ROBO2: variants seen among roughly 807,000 people sequenced by gnomAD.
ROBO2 encodes the protein roundabout homolog 2.
In ROBO2, 53 loss-of-function variants were observed where a neutral mutation model predicts 160.8. The observed-to-expected ratio is 0.33, with a 90% confidence interval of 0.26 to 0.41. The LOEUF is 0.41. Among genes scored for constraint, ROBO2 ranks in the 10% least tolerant of loss-of-function variants. The probability of loss-of-function intolerance (pLI) is 1.00; values close to 1 mark genes in which losing one functional copy is unlikely to be tolerated. For missense variants in ROBO2, 1,577 were observed against 1,722.4 expected (o/e 0.92, Z 1.49); for synonymous variants, 664 against 611.7 (o/e 1.09, Z -1.26).
chr3:76,520,155 CAGA>C, intron 2 of ROBO2, among the ~76,000 whole-genome samples: 1 of 152,116 alleles, frequency 6.6e-6, no homozygotes, highest in East Asian at 1.9e-4. Flanking sequence ...CTCATCGCAT[CAGA>C]AGGATTTCCA....
chr3:77,198,727 C>T (rs934622401), intron 2 of ROBO2, among the ~76,000 whole-genome samples: 1 of 152,044 alleles, frequency 6.6e-6, no homozygotes, highest in Non-Finnish European at 1.5e-5. Context: ...ATGGTGAAAC[C>T]CTGTCTCTAT....
At chr3:76,655,438 C>CTATATATATATATATATATATATATA (rs1192030281) in intron 2 of ROBO2, among the ~76,000 whole-genome samples, 5 of 15,000 alleles carry the variant, frequency 3.3e-4, no homozygotes, top group East Asian at 4.3e-3. Flanking sequence ...GGATTTTTTT[C>CTATATATATATATATATATATATATA]CATATATATA....
intron 2 of ROBO2, among the ~76,000 whole-genome samples, chr3:76,519,614 C>T (rs148693132): frequency 4.6e-5 from 7 of 152,186 alleles, no homozygotes; most frequent in East Asian, 3.9e-4. Flanking sequence ...CCAGATTTTA[C>T]GCTTCTCACT....
chr3:76,204,321 G>C (rs186755569), intron 2 of ROBO2, among the ~76,000 whole-genome samples: 1 of 152,036 alleles, frequency 6.6e-6, no homozygotes, highest in African/African-American at 2.4e-5. Flanking sequence ...CTTTATTACC[G>C]CGAGGAAGCA....
intron 12 of ROBO2, among the ~76,000 whole-genome samples, chr3:77,565,901 A>T (rs1348584159): frequency 2.0e-5 from 3 of 152,136 alleles, no homozygotes; most frequent in Non-Finnish European, 4.4e-5. Flanking sequence ...TCTGAGGTTT[A>T]ATATACAATG....
chr3:77,213,094 A>G (rs1481324661), intron 2 of ROBO2, among the ~76,000 whole-genome samples: 8 of 152,170 alleles, frequency 5.3e-5, no homozygotes, highest in Non-Finnish European at 1.5e-5. Flanking sequence ...GCCTCATAAA[A>G]TAAGTTAGAG....
At chr3:76,606,327 G>C (rs942742838) in intron 2 of ROBO2, among the ~76,000 whole-genome samples, 1 of 152,058 alleles carries the variant, frequency 6.6e-6, no homozygotes, top group Non-Finnish European at 1.5e-5. Context: ...CAAGCACTAC[G>C]ATCAAACCAG....
chr3:77,598,840 G>C (rs2094370453), intron 19 of ROBO2, among the ~76,000 whole-genome samples: 2 of 152,048 alleles, frequency 1.3e-5, no homozygotes, highest in Admixed American at 1.3e-4. Flanking sequence ...AAGGAATTCT[G>C]TTCCCACAGC....
chr3:77,015,422 C>T (rs999914950), intron 2 of ROBO2, among the ~76,000 whole-genome samples: 1 of 152,126 alleles, frequency 6.6e-6, no homozygotes, highest in African/African-American at 2.4e-5. Context: ...AGAGAACACT[C>T]CATTTTTACT....
At chr3:75,935,989 A>T (rs1293619946) in intron 1 of ROBO2, among the ~76,000 whole-genome samples, 1 of 152,212 alleles carries the variant, frequency 6.6e-6, no homozygotes, top group Non-Finnish European at 1.5e-5. Context: ...ATTTCTGTGA[A>T]AACTAAATTG....
intron 1 of ROBO2, among the ~76,000 whole-genome samples, chr3:77,047,102 A>G (rs904091009): frequency 6.6e-6 from 1 of 152,178 alleles, no homozygotes; most frequent in African/African-American, 2.4e-5. Context: ...TTGGTGGGCA[A>G]AAAGATTGGA....
intron 2 of ROBO2, among the ~76,000 whole-genome samples, chr3:76,711,190 G>C (rs528783253): frequency 6.6e-6 from 1 of 152,168 alleles, no homozygotes; most frequent in Non-Finnish European, 1.5e-5. Flanking sequence ...GATTAACAGG[G>C]AACATGACTA....
At chr3:76,631,711 A>G (rs530754973) in intron 2 of ROBO2, among the ~76,000 whole-genome samples, 193 of 152,258 alleles carry the variant, frequency 1.3e-3, no homozygotes, top group South Asian at 2.5e-3. Context: ...CTTAATGGCA[A>G]CTGGCTATAG....
Position 75,956,317 on chromosome 3 carries a change from G to A in ROBO2, c.109+18715G>A, listed in dbSNP as rs561451925. Among the ~76,000 whole-genome samples, 7 of 151,748 alleles carry A rather than the reference G, an allele frequency of 4.6e-5. No homozygotes were observed. The East Asian group carries it at 1.2e-3, about 25-fold the overall frequency. On this transcript the variant is annotated intron_variant, in intron 2 of 26. Coordinates refer to the ROBO2 transcript ENST00000487694. The stretch of plus-strand genomic sequence containing the variant: ...TAGCTATATTGCTGGGATCTGGAGC[G>A]TGACTTTTGGGTCTTTCTGTAATGC...
At position 76,324,950 on chromosome 3, in the gene ROBO2, C is replaced by G. The variant is rs2072883634; in HGVS notation, c.109+387348C>G. Among the ~76,000 whole-genome samples, 3 of 152,016 alleles carry G rather than the reference C, an allele frequency of 2.0e-5. No homozygotes were observed. In the South Asian group the frequency reaches 6.2e-4, roughly 32 times the overall value. ...TGAAACCCCGTCTCTAATAAAAATA[C>G]AAAAAATTAGCCGGGCGTGGTGGCA... On this transcript the variant is annotated intron_variant, in intron 2 of 26. Coordinates refer to the ROBO2 transcript ENST00000487694.
At chr3:76,871,561 G>A (rs4856056) in intron 2 of ROBO2, among the ~76,000 whole-genome samples, 114,416 of 144,718 alleles carry the variant, frequency 0.79, 45,593 homozygotes, top group East Asian at 0.85. Flanking sequence ...CTCAAAAAAA[G>A]AAAAAAAAAG....
intron 2 of ROBO2, among the ~76,000 whole-genome samples, chr3:76,720,211 C>T (rs1345931335): frequency 6.6e-6 from 1 of 152,060 alleles, no homozygotes; most frequent in South Asian, 2.1e-4. Flanking sequence ...GTCCATGAAC[C>T]ACGAAGCAGG....
chr3:77,059,938 CA>C (rs2066129074), intron 1 of ROBO2, among the ~76,000 whole-genome samples: 2 of 151,848 alleles, frequency 1.3e-5, no homozygotes, highest in Admixed American at 6.6e-5. Flanking sequence ...TATACTACAC[CA>C]GGGGGGTTAC....
intron 2 of ROBO2, among the ~76,000 whole-genome samples, chr3:75,987,029 C>G (rs1221250009): frequency 1.3e-5 from 2 of 151,630 alleles, no homozygotes; most frequent in Non-Finnish European, 3.0e-5. Flanking sequence ...TGTTCTTTTT[C>G]AAGATTGTTT....
Sources: gnomAD v4.1 joint callset for allele counts (sites outside exome capture counted in the v4.1 genomes callset) on GRCh38, gnomAD v4.1.1 for gene constraint, MANE v1.5 for transcripts, NCBI Gene and HGNC (gene_info 2026-07-23, HGNC 2026-07-21) for gene names.